Variants in IBTK observed in about 807,000 individuals in gnomAD.
The protein encoded by IBTK is inhibitor of Bruton tyrosine kinase, also known as BTK-binding protein.
A neutral mutation model predicts 154.9 loss-of-function variants in IBTK; 83 were observed. That is an observed-to-expected ratio of 0.54 (90% confidence interval 0.45 to 0.64). The LOEUF (loss-of-function observed/expected upper bound fraction) is 0.64, where lower values mean the gene tolerates loss of function less well. Ranked by LOEUF, IBTK falls within the 30% of genes least tolerant of loss-of-function variation. IBTK has a pLI of 0.00. For synonymous variants in IBTK, 515 were observed against 536.1 expected, an observed-to-expected ratio of 0.96 and a Z score of 0.54; for missense variants, 1,332 against 1,584.6, an observed-to-expected ratio of 0.84 and a Z score of 2.71.
chr6:82,200,570 A>G lies in IBTK; in HGVS notation c.2912+17T>C. ...AAGAAAAGGAGGAAAAGAAAAAAAA[A>G]AAAGAAAACAGCTTACGAATGATTT... On this transcript the variant is annotated intron_variant, in intron 20 of 28. Coordinates refer to ENST00000306270, the MANE Select transcript of IBTK (RefSeq NM_015525.4). The G allele has an allele frequency of 1.3e-6, 2 of 1,515,468 alleles. No individual in the cohort carries two copies. Among genetic ancestry groups the G allele is most frequent in the Admixed American group, 2.5e-5 (1 of 40,772 alleles). 93.9% of individuals were successfully genotyped at this position (1,515,468 alleles called of 1,614,324 possible). A position where few individuals can be genotyped will look rare whatever the true frequency, so the allele number is the denominator to read the frequency against.
At chr6:82,185,320 G>A (rs992227963) in intron 25 of IBTK, among the ~76,000 whole-genome samples, 15 of 150,730 alleles carry the variant, frequency 1.0e-4, no homozygotes, top group Admixed American at 5.3e-4. Context: ...CAACACTTTC[G>A]GAGGTGGAGA....
chr6:82,202,556 A>G lies in IBTK; in HGVS notation c.2701T>C (p.Leu901=), dbSNP rs1769248904. 2 of 1,608,352 alleles carry G rather than the reference A, an allele frequency of 1.2e-6. No homozygotes were observed. Among genetic ancestry groups the G allele is most frequent in the South Asian group, 2.2e-5 (2 of 90,318 alleles). Residue 901 remains leucine (L), a synonymous_variant, in exon 18 of 29, where the codon TTG becomes CTG. Coordinates refer to ENST00000306270, the MANE Select transcript of IBTK (RefSeq NM_015525.4). ...GCTTCAAGTAAAGCTGCCATATTCA[A>G]TCCTATAAACTGTAAACAAGACAGT... ...LKLSCLQFIG[L]NMAALLEARS...
At chr6:82,210,685 T>C (rs1769601976) in intron 16 of IBTK, 129 bp downstream of exon 16, 5 of 345,184 alleles carry the variant, frequency 1.4e-5, no homozygotes, top group Non-Finnish European at 2.6e-5. Flanking sequence ...ATAAATTAAA[T>C]ATTTTAAAAA....
At chr6:82,246,998 C>G (rs1562114982) in intron 1 of IBTK, among the ~76,000 whole-genome samples, 1 of 152,172 alleles carries the variant, frequency 6.6e-6, no homozygotes, top group Non-Finnish European at 1.5e-5. Flanking sequence ...AACTAAAACT[C>G]TTTGAGCCAG....
At position 82,230,616 on chromosome 6, in the gene IBTK, T is replaced by G. The variant is rs181010473; in HGVS notation, c.543+1102A>C. ...GGTATCATCTTCAGGATTTAGAATT[T>G]GAGATTTATAACATTAAAAATTGAA... On this transcript the variant is annotated intron_variant, in intron 4 of 28. Transcript: ENST00000306270. 7.2e-5 allele frequency among the ~76,000 whole-genome samples: 11 copies of G among 152,264 alleles called. 1 individual carries two copies. The highest frequency in any genetic ancestry group is 5.9e-4 in the Admixed American group (9 of 15,292).
At chr6:82,215,199 A>G (rs1769821259) in intron 11 of IBTK, among the ~76,000 whole-genome samples, 1 of 152,160 alleles carries the variant, frequency 6.6e-6, no homozygotes, top group Non-Finnish European at 1.5e-5. Context: ...CGAGTTTCTC[A>G]GATGAGACTT....
chr6:82,223,899 G>A (rs1770196922), intron 7 of IBTK, among the ~76,000 whole-genome samples, 169 bp downstream of exon 7: 1 of 152,134 alleles, frequency 6.6e-6, no homozygotes, highest in African/African-American at 2.4e-5. Context: ...TCAGTGAGCT[G>A]TGATCGCACC....
chr6:82,210,081 A>C (rs1484668506), intron 16 of IBTK, among the ~76,000 whole-genome samples: 1 of 152,226 alleles, frequency 6.6e-6, no homozygotes, highest in Non-Finnish European at 1.5e-5. Flanking sequence ...ATGAGTAAAC[A>C]TATCTTGTAA....
At chr6:82,181,687 AATTAT>A (rs1206043093) in intron 26 of IBTK, among the ~76,000 whole-genome samples, 187 bp downstream of exon 26, 1 of 152,202 alleles carries the variant, frequency 6.6e-6, no homozygotes, top group African/African-American at 2.4e-5. Context: ...ATTTTAAGTC[AATTAT>A]ATCTCCGTAA....
In IBTK at chr6:82,217,964, C is replaced by A; in HGVS notation, c.1422G>T (p.Lys474Asn). Residue 474 changes from lysine to asparagine, a missense_variant, in exon 10 of 29, where the codon AAG becomes AAT. Lys to Asn is a moderately conservative substitution (Grantham distance 94). Transcript: ENST00000306270. ...TTGTTCAATATATGAACTGACCTTTCTTTTCAGAACTCTTTCTTTTCTCTT... is the reference window on the plus strand; with the variant it reads ...TTGTTCAATATATGAACTGACCTTTATTTTCAGAACTCTTTCTTTTCTCTT... ...WFEEKRKSSE[K>N]KEILSNLHNS... is the part of the protein sequence containing the mutation. 6.3e-7 allele frequency: 1 copy of A among 1,588,674 alleles called. No homozygotes were observed. Among genetic ancestry groups the A allele is most frequent in the South Asian group, 1.2e-5 (1 of 86,238 alleles).
rs1409778025 is a variant in IBTK, at chr6:82,209,556, T to C, written c.2509+1258A>G. Among the ~76,000 whole-genome samples, 5 of 152,196 alleles carry C rather than the reference T, an allele frequency of 3.3e-5. No homozygotes were observed. The East Asian group carries it at 9.7e-4, about 29-fold the overall frequency. On this transcript the variant is annotated intron_variant, in intron 16 of 28. Coordinates refer to ENST00000306270, the MANE Select transcript of IBTK (RefSeq NM_015525.4). ...AACATAATAGGGGTTTTCCACGGAC[T>C]GGGGATAAGAGAGAGTGGGAAGTGT...
At chr6:82,217,927 T>A (rs1471216789) in intron 10 of IBTK, 33 bp downstream of exon 10, 17 of 1,370,710 alleles carry the variant, frequency 1.2e-5, no homozygotes, top group Non-Finnish European at 1.7e-5. Context: ...AATTGAAAGG[T>A]ACTTTTACGT....
At chr6:82,224,998 T>C (rs1200754322) in intron 6 of IBTK, among the ~76,000 whole-genome samples, 1 of 152,044 alleles carries the variant, frequency 6.6e-6, no homozygotes. Flanking sequence ...TAATTTCTCC[T>C]GTTAAAAATA....
Position 82,214,363 on chromosome 6 carries a change from G to A in IBTK, c.2068C>T (p.Gln690Ter). The change falls in exon 12 of 29, where the codon CAA becomes TAA. Residue 690 changes from glutamine (Q) to a stop codon, truncating the protein, a stop_gained. Transcript: ENST00000306270. LOFTEE classifies it high-confidence loss of function. ...TGCCTCTCACTAACTGTTTGAGCTT[G>A]ATTACTTTTGTAAACTTCAAATGCA... ...KSAFEVYKSN[Q>*]AQTVSERQKS... The A allele has an allele frequency of 6.2e-7, 1 of 1,614,020 alleles. No homozygotes were observed. Among genetic ancestry groups the A allele is most frequent in the Non-Finnish European group, 8.5e-7 (1 of 1,179,982 alleles).
intron 25 of IBTK, among the ~76,000 whole-genome samples, chr6:82,190,111 C>T (rs1483560066): frequency 6.6e-6 from 1 of 152,142 alleles, no homozygotes; most frequent in African/African-American, 2.4e-5. Flanking sequence ...GTGTTCTTAC[C>T]TCTTATTTTA....
intron 28 of IBTK, 61 bp downstream of exon 28, chr6:82,172,319 A>C (rs1767950254): frequency 1.7e-5 from 26 of 1,522,308 alleles, no homozygotes; most frequent in Non-Finnish European, 2.3e-5. Flanking sequence ...CGATTTTCTT[A>C]AAACCTAAGT....
intron 25 of IBTK, among the ~76,000 whole-genome samples, chr6:82,182,691 T>C (rs574272271): frequency 2.0e-5 from 3 of 152,222 alleles, no homozygotes; most frequent in African/African-American, 7.2e-5. Context: ...AAACCATATT[T>C]AGGCACATAA....
rs138280108 is a variant in IBTK at position 82,200,560 on chromosome 6, A to C, written c.2912+27T>G. On this transcript the variant is annotated intron_variant, in intron 20 of 28. Transcript: ENST00000306270. ...GAAAAGAAGGAAGAAAAGGAGGAAAAGAAAAAAAAAAAAGAAAACAGCTTA... is the reference window on the plus strand; with the variant it reads ...GAAAAGAAGGAAGAAAAGGAGGAAACGAAAAAAAAAAAAGAAAACAGCTTA... 1,094 of 1,479,094 alleles carry C rather than the reference A, an allele frequency of 7.4e-4. 2 individuals carry two copies. The African/African-American group carries it at 0.014, about 19-fold the overall frequency. 91.6% of individuals were successfully genotyped at this position (1,479,094 alleles called of 1,614,324 possible). A position where few individuals can be genotyped will look rare whatever the true frequency, so the allele number is the denominator to read the frequency against.
At chr6:82,179,879 GA>G (rs1470509026) in intron 26 of IBTK, among the ~76,000 whole-genome samples, 3 of 152,190 alleles carry the variant, frequency 2.0e-5, no homozygotes, top group Non-Finnish European at 2.9e-5. Context: ...CACAAGAAAG[GA>G]AAGGGGTAAT....
Sources: gnomAD v4.1 joint callset for allele counts (sites outside exome capture counted in the v4.1 genomes callset) on GRCh38, gnomAD v4.1.1 for gene constraint, MANE v1.5 for transcripts, NCBI Gene and HGNC (gene_info 2026-07-23, HGNC 2026-07-21) for gene names.